Variants in PNN observed in about 807,000 individuals in gnomAD.
PNN encodes pinin, desmosome associated protein.
PNN carries 38 observed loss-of-function variants against 76.6 expected under a neutral mutation model. The observed-to-expected ratio is 0.50, with a 90% CI of 0.38 to 0.65. PNN has a LOEUF of 0.65. PNN is among the 30% of genes least tolerant of loss of function. The pLI is 0.00. For missense variants in PNN, 873 were observed against 874.1 expected (o/e 1.00, Z 0.02); for synonymous variants, 366 against 283.7 (o/e 1.29, Z -2.91).
intron 3 of PNN, 108 bp downstream of exon 3, chr14:39,176,703 G>A (rs2053228317): frequency 2.8e-6 from 2 of 713,222 alleles, no homozygotes; most frequent in Admixed American, 3.3e-5. Context: ...AAATTGAGTG[G>A]TATGCCACTC....
chr14:39,175,315 G>A lies in PNN; in HGVS notation c.36G>A (p.Leu12=), dbSNP rs1421036223. The change falls in exon 1 of 9, where the codon CTG becomes CTA. Residue 12 remains leucine, a synonymous_variant. Transcript: ENST00000216832. ...AVAVRTLQEQ[L]EKAKESLKNV... ...CCGTGAGAACTTTGCAGGAACAGCTGGAAAAGGCCAAAGAGAGTCTTAAGA... is the reference window on the plus strand; with the variant it reads ...CCGTGAGAACTTTGCAGGAACAGCTAGAAAAGGCCAAAGAGAGTCTTAAGA... 7 of 1,610,678 alleles carry A rather than the reference G, an allele frequency of 4.3e-6. No homozygotes were observed. Among genetic ancestry groups the A allele is most frequent in the Non-Finnish European group, 5.9e-6 (7 of 1,178,334 alleles).
In PNN at chr14:39,183,129, T is replaced by C. The variant is rs1450296371; in HGVS notation, c.*1266T>C. The C allele has an allele frequency of 6.6e-6, 1 of 152,524 alleles. No individual in the cohort carries two copies. The highest frequency in any genetic ancestry group is 1.5e-5 in the Non-Finnish European group (1 of 68,046). 9.4% of individuals were successfully genotyped at this position (152,524 alleles called of 1,614,324 possible). A position where few individuals can be genotyped will look rare whatever the true frequency, so the allele number is the denominator to read the frequency against. ...GAAGTATTTCCAGTTAGTTTTTGTG[T>C]GTATATAACTCACTTGTGTAAGTGG... On this transcript the variant is annotated 3_prime_UTR_variant, in exon 9 of 9. Coordinates refer to ENST00000216832, the MANE Select transcript of PNN (RefSeq NM_002687.4).
chr14:39,176,538 CAG>C lies in PNN; in HGVS notation c.199_200del (p.Asp67Ter). On this transcript the variant is annotated frameshift_variant, in exon 3 of 9. Transcript: ENST00000216832. LOFTEE classifies it high-confidence loss of function. Reference sequence around the variant, plus strand: ...ATTTTAAATTTCAGGCGTGGATTCTCAGATAGTGGAGGAGGACCCCCAGCCAA... The same window carrying C: ...ATTTTAAATTTCAGGCGTGGATTCTCATAGTGGAGGAGGACCCCCAGCCAA... 1 of 1,606,950 alleles carries C rather than the reference CAG, an allele frequency of 6.2e-7. No homozygotes were observed. The highest frequency in any genetic ancestry group is 8.5e-7 in the Non-Finnish European group (1 of 1,176,960).
intron 8 of PNN, among the ~76,000 whole-genome samples, 158 bp downstream of exon 8, chr14:39,179,620 G>A (rs928090404): frequency 2.0e-5 from 3 of 151,912 alleles, no homozygotes; most frequent in South Asian, 2.1e-4. Context: ...TAGGCCGGGC[G>A]TGGTGGCTCA....
At chr14:39,178,898 C>T in intron 6 of PNN, 193 bp from the exon 7 acceptor site, 2 of 532,596 alleles carry the variant, frequency 3.8e-6, no homozygotes, top group Non-Finnish European at 6.6e-6. Context: ...GCAACCACGC[C>T]CTGTTAATTT....
chr14:39,175,782 A>G (rs2753601), intron 1 of PNN: 1 of 477,884 alleles, frequency 2.1e-6, no homozygotes, highest in Non-Finnish European at 3.7e-6. Context: ...GCCTTACCCC[A>G]GCTTCCTGTC....
At position 39,178,919 on chromosome 14, in the gene PNN, T is replaced by C. The variant is rs539084565; in HGVS notation, c.499-172T>C. On this transcript the variant is annotated intron_variant, in intron 6 of 8. Transcript: ENST00000216832. The stretch of plus-strand genomic sequence containing the variant: ...ACGCCCTGTTAATTTTTTTGTGTTT[T>C]TAGTAGAGATGGTGGTGTTGGCTTC... The C allele has an allele frequency of 5.1e-6, 3 of 590,472 alleles. No individual in the cohort carries two copies. In the East Asian group the frequency reaches 9.3e-5, roughly 18 times the overall value. The allele number at this position is 590,472 out of a possible 1,614,324, so 36.6% of individuals were successfully genotyped here.
chr14:39,180,443 A>G, intron 8 of PNN, 60 bp from the exon 9 acceptor site: 12 of 1,469,650 alleles, frequency 8.2e-6, no homozygotes, highest in Non-Finnish European at 1.1e-5. Context: ...CAGTTATAAA[A>G]TTATGGCTTT....
At chr14:39,175,476 C>T (rs1343846511) in intron 1 of PNN, 84 bp downstream of exon 1, 2 of 842,770 alleles carry the variant, frequency 2.4e-6, no homozygotes, top group Non-Finnish European at 4.0e-6. Flanking sequence ...GGAGGGCGGC[C>T]AGCCTTAAGA....
At chr14:39,177,153 G>T (rs971631853) in intron 3 of PNN, among the ~76,000 whole-genome samples, 4 of 152,224 alleles carry the variant, frequency 2.6e-5, no homozygotes, top group Admixed American at 2.0e-4. Flanking sequence ...GGGAAGCCAA[G>T]ACCAGCAGAT....
Position 39,180,860 on chromosome 14 carries a change from A to C in PNN, c.1151A>C (p.Glu384Ala), listed in dbSNP as rs1241884106. Residue 384 changes from glutamate (E) to alanine (A), a missense_variant, in exon 9 of 9, where the codon GAA becomes GCA. Glu to Ala is a moderately radical substitution (Grantham distance 107). Coordinates refer to ENST00000216832, the MANE Select transcript of PNN (RefSeq NM_002687.4). ...ESEKQQDSQP[E>A]EVMDVLEMVE... ...GAGAAGCAGCAGGATAGTCAGCCTG[A>C]AGAAGTTATGGATGTGCTAGAGATG... 3.7e-6 allele frequency: 6 copies of C among 1,614,086 alleles called. No homozygotes were observed. The African/African-American group carries it at 6.7e-5, about 18-fold the overall frequency.
intron 5 of PNN, 43 bp downstream of exon 5, chr14:39,177,730 T>A (rs1275972014): frequency 2.0e-6 from 3 of 1,508,076 alleles, no homozygotes; most frequent in Non-Finnish European, 1.8e-6. Flanking sequence ...ATAATGCAGT[T>A]ATAAGGAAAA....
intron 1 of PNN, 55 bp from the exon 2 acceptor site, chr14:39,176,023 G>T: frequency 3.3e-6 from 3 of 895,988 alleles, no homozygotes; most frequent in Non-Finnish European, 5.6e-6. Context: ...AAGTATTTGG[G>T]TGCGACTGTG....
In PNN at chr14:39,181,113, C is replaced by G. The variant is rs1041128787; in HGVS notation, c.1404C>G (p.Pro468=). 6.2e-6 allele frequency: 10 copies of G among 1,612,938 alleles called. No individual in the cohort carries two copies. Among genetic ancestry groups the G allele is most frequent in the Non-Finnish European group, 8.5e-6 (10 of 1,179,034 alleles). The change falls in exon 9 of 9, where the codon CCC becomes CCG. Residue 468 remains proline, a synonymous_variant. Transcript: ENST00000216832. ...AAAAAGAAGAAAAAGAATCTGAGCC[C>G]CAACCTGAGCCTGTGGCTCAACCTC... is the stretch of plus-strand genomic sequence containing the variant. The part of the protein sequence containing the change: ...SEEKEEKESE[P]QPEPVAQPQP...
chr14:39,176,428 T>G lies in PNN; in HGVS notation c.186-99T>G, dbSNP rs1332790636. On this transcript the variant is annotated intron_variant, in intron 2 of 8. Transcript: ENST00000216832. Reference sequence around the variant, plus strand: ...AATGCCCGTTTAAGGCTACTTTAGTTGGAAAGATTTTTGAAAGTTTAACCA... The same window carrying G: ...AATGCCCGTTTAAGGCTACTTTAGTGGGAAAGATTTTTGAAAGTTTAACCA... The G allele has an allele frequency of 1.1e-5, 10 of 914,814 alleles. No individual in the cohort carries two copies. The East Asian group carries it at 2.4e-4, about 22-fold the overall frequency. 56.7% of individuals were successfully genotyped at this position (914,814 alleles called of 1,614,324 possible). A position where few individuals can be genotyped will look rare whatever the true frequency, so the allele number is the denominator to read the frequency against.
At chr14:39,177,370 A>G in intron 3 of PNN, 42 bp from the exon 4 acceptor site, 1 of 1,536,568 alleles carries the variant, frequency 6.5e-7, no homozygotes, top group Non-Finnish European at 9.0e-7. Context: ...TGGGTGGTAT[A>G]GTGAAACCCT....
chr14:39,177,351 A>T, intron 3 of PNN, 61 bp from the exon 4 acceptor site: 2 of 1,371,886 alleles, frequency 1.5e-6, no homozygotes, highest in Admixed American at 1.9e-5. Context: ...GCACCACTGC[A>T]CTTCAGCCTG....
Position 39,176,034 on chromosome 14 carries a change from T to A in PNN, c.114-44T>A, listed in dbSNP as rs148064930. ...CTGAAAGTATTTGGGTGCGACTGTG[T>A]GTGTCTACATATGATTTTGCACTGA... On this transcript the variant is annotated intron_variant, in intron 1 of 8. Transcript: ENST00000216832. The A allele has an allele frequency of 7.8e-5, 79 of 1,014,778 alleles. 2 individuals are homozygous for A. The East Asian group carries it at 1.7e-3, about 21-fold the overall frequency. 62.9% of individuals were successfully genotyped at this position (1,014,778 alleles called of 1,614,324 possible).
At position 39,177,625 on chromosome 14, in the gene PNN, C is replaced by T. The variant is rs2053238634; in HGVS notation, c.360C>T (p.Ser120=). 2 of 1,613,754 alleles carry T rather than the reference C, an allele frequency of 1.2e-6. No homozygotes were observed. The highest frequency in any genetic ancestry group is 1.7e-6 in the Non-Finnish European group (2 of 1,179,816). ...TGCAGTCTTCAGTTGTAGCTACCTC[C>T]AAAGAGCGCACACGTAGAGACCTTA... ...PALQSSVVAT[S]KERTRRDLIQ... is the part of the protein sequence containing the mutation. The change falls in exon 5 of 9, where the codon TCC becomes TCT. Residue 120 remains serine (S), a synonymous_variant. Transcript: ENST00000216832.
Sources: gnomAD v4.1 joint callset for allele counts (sites outside exome capture counted in the v4.1 genomes callset) on GRCh38, gnomAD v4.1.1 for gene constraint, MANE v1.5 for transcripts, NCBI Gene and HGNC (gene_info 2026-07-23, HGNC 2026-07-21) for gene names.